Variants in CTNNA2 observed in about 807,000 individuals in gnomAD.
CTNNA2 encodes catenin alpha 2.
In CTNNA2, 42 loss-of-function variants were observed where a neutral mutation model predicts 101.0. The ratio of observed to expected loss-of-function variants is 0.42; its 90% confidence interval spans 0.32 to 0.54. The LOEUF (loss-of-function observed/expected upper bound fraction) is 0.54. CTNNA2 is among the 20% of genes least tolerant of loss of function. The pLI is 0.14. For missense variants in CTNNA2, 871 were observed against 1,223.1 expected, an observed-to-expected ratio of 0.71 and a Z score of 4.29; for synonymous variants, 450 against 456.4, an observed-to-expected ratio of 0.99 and a Z score of 0.18.
chr2:79,632,569 T>C (rs1481368315), intron 1 of CTNNA2, among the ~76,000 whole-genome samples: 1 of 152,256 alleles, frequency 6.6e-6, no homozygotes, highest in Non-Finnish European at 1.5e-5. Flanking sequence ...AAAAAACAAT[T>C]CACGTGGCCC....
At chr2:80,208,930 T>A (rs1707710158) in intron 7 of CTNNA2, among the ~76,000 whole-genome samples, 1 of 152,148 alleles carries the variant, frequency 6.6e-6, no homozygotes, top group African/African-American at 2.4e-5. Flanking sequence ...GGGGAAAACT[T>A]GTGACCACCC....
chr2:79,383,150 T>C (rs1678059109), intron 4 of CTNNA2, among the ~76,000 whole-genome samples: 1 of 152,080 alleles, frequency 6.6e-6, no homozygotes, highest in South Asian at 2.1e-4. Flanking sequence ...AAGACAGAGG[T>C]CCTGGGGATA....
chr2:79,262,456 A>T (rs758478700), intron 2 of CTNNA2, among the ~76,000 whole-genome samples: 8 of 152,182 alleles, frequency 5.3e-5, no homozygotes, highest in Non-Finnish European at 8.8e-5. Flanking sequence ...AATCCTAAAA[A>T]ATATTTCATT....
At chr2:79,464,222 A>G (rs1670908628) in intron 4 of CTNNA2, among the ~76,000 whole-genome samples, 1 of 152,116 alleles carries the variant, frequency 6.6e-6, no homozygotes, top group Non-Finnish European at 1.5e-5. Flanking sequence ...TATGAGTGAG[A>G]ACATGCGGTG....
At chr2:80,539,842 A>T (rs756817632) in intron 9 of CTNNA2, among the ~76,000 whole-genome samples, 1 of 152,210 alleles carries the variant, frequency 6.6e-6, no homozygotes, top group Non-Finnish European at 1.5e-5. Context: ...ATCAATCTAA[A>T]TTGCTCAAAA....
chr2:79,956,082 A>G (rs1326607628), intron 7 of CTNNA2, among the ~76,000 whole-genome samples: 3 of 152,240 alleles, frequency 2.0e-5, no homozygotes, highest in East Asian at 3.9e-4. Flanking sequence ...AACCAGGCAT[A>G]GTAGTTTCAA....
At chr2:80,096,161 A>G (rs1700136952) in intron 7 of CTNNA2, among the ~76,000 whole-genome samples, 2 of 151,958 alleles carry the variant, frequency 1.3e-5, no homozygotes, top group Admixed American at 1.3e-4. Flanking sequence ...ATTTCCCTCT[A>G]CACACTGCTT....
At chr2:79,759,856 A>G (rs1213967539) in intron 3 of CTNNA2, among the ~76,000 whole-genome samples, 1 of 151,846 alleles carries the variant, frequency 6.6e-6, no homozygotes, top group Non-Finnish European at 1.5e-5. Context: ...TTTTTTTTCC[A>G]ATTCAGAAAT....
chr2:80,518,001 C>CTTCTA (rs1190183826), intron 9 of CTNNA2, among the ~76,000 whole-genome samples: 1 of 152,140 alleles, frequency 6.6e-6, no homozygotes, highest in Non-Finnish European at 1.5e-5. Context: ...CTTCAGGTGA[C>CTTCTA]GGGCAGTAAA....
chr2:79,327,351 C>A (rs1342359201), intron 3 of CTNNA2, among the ~76,000 whole-genome samples: 1 of 152,110 alleles, frequency 6.6e-6, no homozygotes, highest in Non-Finnish European at 1.5e-5. Context: ...GTTGCCATAA[C>A]CCTTGGATCC....
chr2:80,228,793 G>A (rs916781696), intron 7 of CTNNA2, among the ~76,000 whole-genome samples: 8 of 152,150 alleles, frequency 5.3e-5, no homozygotes, highest in African/African-American at 1.4e-4. Flanking sequence ...GAGAGCTTAC[G>A]TCACCATTTA....
intron 2 of CTNNA2, among the ~76,000 whole-genome samples, chr2:79,286,504 C>T (rs1162089118): frequency 6.7e-6 from 1 of 148,968 alleles, no homozygotes; most frequent in African/African-American, 2.5e-5. Flanking sequence ...ATTTCTCCTT[C>T]ACTTATGAAG....
intron 2 of CTNNA2, among the ~76,000 whole-genome samples, chr2:79,300,616 C>G (rs981746652): frequency 6.6e-6 from 1 of 152,118 alleles, no homozygotes; most frequent in East Asian, 1.9e-4. Context: ...TTCCACCCAA[C>G]CACCTAAAAC....
chr2:79,914,089 C>A (rs1252725166), intron 7 of CTNNA2, among the ~76,000 whole-genome samples: 1 of 148,796 alleles, frequency 6.7e-6, no homozygotes, highest in African/African-American at 2.5e-5. Flanking sequence ...ATGGCGTGAA[C>A]CCGGGAGGCG....
At chr2:80,374,411 A>G (rs1435870578) in intron 7 of CTNNA2, among the ~76,000 whole-genome samples, 1 of 152,194 alleles carries the variant, frequency 6.6e-6, no homozygotes, top group Non-Finnish European at 1.5e-5. Context: ...ATGGCTGTGC[A>G]GTATTCCATG....
At chr2:79,784,774 A>G (rs1419640998) in intron 3 of CTNNA2, among the ~76,000 whole-genome samples, 1 of 151,704 alleles carries the variant, frequency 6.6e-6, no homozygotes, top group Non-Finnish European at 1.5e-5. Context: ...ATATATATAT[A>G]TATAAAAACA....
intron 2 of CTNNA2, among the ~76,000 whole-genome samples, chr2:79,734,243 AT>A (rs1687377328): frequency 6.6e-6 from 1 of 152,062 alleles, no homozygotes; most frequent in Non-Finnish European, 1.5e-5. Flanking sequence ...TAGTGTCTTA[AT>A]TTTTAGTGTC....
intron 7 of CTNNA2, among the ~76,000 whole-genome samples, chr2:80,337,976 G>A (rs545265373): frequency 6.7e-6 from 1 of 149,376 alleles, no homozygotes; most frequent in East Asian, 2.0e-4. Context: ...AATCAGAAAG[G>A]GAATGTAGTT....
intron 1 of CTNNA2, among the ~76,000 whole-genome samples, chr2:79,194,108 T>C (rs1243566027): frequency 6.6e-6 from 1 of 152,228 alleles, no homozygotes; most frequent in Non-Finnish European, 1.5e-5. Context: ...AAATTGTTTG[T>C]GAAAATTTCC....
Sources: gnomAD v4.1 joint callset for allele counts (sites outside exome capture counted in the v4.1 genomes callset) on GRCh38, gnomAD v4.1.1 for gene constraint, MANE v1.5 for transcripts, NCBI Gene and HGNC (gene_info 2026-07-23, HGNC 2026-07-21) for gene names.